The following ARID5B variants were observed in gnomAD, a reference collection of about 807,000 sequenced individuals.
ARID5B encodes the protein AT-rich interactive domain-containing protein 5B.
ARID5B carries 13 observed loss-of-function variants against 97.2 expected under a neutral mutation model. That is an observed-to-expected ratio of 0.13 (90% CI 0.09 to 0.21). The LOEUF (loss-of-function observed/expected upper bound fraction) is 0.21, where lower values mean the gene tolerates loss of function less well. ARID5B is among the 10% of genes least tolerant of loss of function. ARID5B has a pLI of 1.00. For missense variants in ARID5B, 1,210 were observed against 1,465.3 expected (o/e 0.83, Z 2.84); for synonymous variants, 556 against 570.3 (o/e 0.97, Z 0.36).
chr10:62,046,695 T>TA (rs1417746681), intron 4 of ARID5B: 1 of 152,042 alleles, frequency 6.6e-6, no homozygotes, highest in Non-Finnish European at 1.5e-5. Context: ...ATTTTTTTTT[T>TA]AAACCACAGA....
intron 3 of ARID5B, among the ~76,000 whole-genome samples, chr10:61,979,350 T>A (rs948848873): frequency 6.6e-6 from 1 of 152,210 alleles, no homozygotes. Flanking sequence ...TTAGACATCA[T>A]GGAATCCAAT....
At chr10:61,968,188 A>G (rs1411038710) in intron 3 of ARID5B, among the ~76,000 whole-genome samples, 2 of 66,784 alleles carry the variant, frequency 3.0e-5, no homozygotes, top group Non-Finnish European at 7.7e-5. Context: ...ACATATTTAT[A>G]CACACACACA....
chr10:61,990,366 CA>C (rs1043885662), intron 3 of ARID5B, among the ~76,000 whole-genome samples: 24 of 152,342 alleles, frequency 1.6e-4, no homozygotes, highest in African/African-American at 5.8e-4. Context: ...TGCCTAACCA[CA>C]TGACCCTTTG....
At chr10:62,065,287 T>C (rs1018428073) in intron 7 of ARID5B, among the ~76,000 whole-genome samples, 15 of 152,216 alleles carry the variant, frequency 9.9e-5, no homozygotes, top group African/African-American at 2.9e-4. Context: ...TCTTGCGTTA[T>C]GGTTAATTGT....
intron 2 of ARID5B, among the ~76,000 whole-genome samples, chr10:61,904,316 C>A (rs183755926): frequency 8.4e-4 from 128 of 151,834 alleles, no homozygotes; most frequent in African/African-American, 2.9e-3. Context: ...TTTTAAAGAC[C>A]CTGAGTTGAC....
At chr10:62,022,867 C>T (rs1839373823) in intron 4 of ARID5B, among the ~76,000 whole-genome samples, 1 of 152,236 alleles carries the variant, frequency 6.6e-6, no homozygotes, top group Admixed American at 6.5e-5. Context: ...ACAGAGCTCT[C>T]CTTTAACTGG....
rs1418296253 is a variant in ARID5B at position 62,085,882 on chromosome 10, G to A, written c.1380G>A (p.Lys460=). Residue 460 remains lysine, a synonymous_variant, in exon 9 of 10, where the codon AAG becomes AAA. Transcript: ENST00000279873. The stretch of plus-strand genomic sequence containing the variant: ...AGAAAGAAAAAGAAAATGCCCCAAA[G>A]CCCCAGGATGCAGCAGAGGTGAGTT... ...KSKKEKENAP[K]PQDAAEVSSE... is the part of the protein sequence containing the mutation. 1 of 1,612,914 alleles carries A rather than the reference G, an allele frequency of 6.2e-7. No individual in the cohort carries two copies. The highest frequency in any genetic ancestry group is 8.5e-7 in the Non-Finnish European group (1 of 1,179,864).
At chr10:62,003,594 TG>T (rs1311770019) in intron 4 of ARID5B, among the ~76,000 whole-genome samples, 3 of 152,146 alleles carry the variant, frequency 2.0e-5, no homozygotes, top group Admixed American at 2.0e-4. Flanking sequence ...ATCCTTTGGG[TG>T]GGTTTCATAA....
At chr10:62,026,762 C>T (rs1252860997) in intron 4 of ARID5B, among the ~76,000 whole-genome samples, 1 of 152,072 alleles carries the variant, frequency 6.6e-6, no homozygotes, top group Non-Finnish European at 1.5e-5. Context: ...CCACTTTAAC[C>T]CCTAAACATC....
intron 3 of ARID5B, among the ~76,000 whole-genome samples, chr10:61,972,439 G>A (rs1589240913): frequency 2.0e-5 from 3 of 152,090 alleles, no homozygotes; most frequent in East Asian, 1.9e-4. Flanking sequence ...ATGTTGGCCA[G>A]GCTGGTCTCA....
At chr10:61,941,553 A>G (rs1204016347) in intron 3 of ARID5B, among the ~76,000 whole-genome samples, 1 of 151,976 alleles carries the variant, frequency 6.6e-6, no homozygotes, top group Non-Finnish European at 1.5e-5. Context: ...AACTATTACA[A>G]CAAACCTAGG....
At chr10:62,005,336 C>T (rs1839132865) in intron 4 of ARID5B, among the ~76,000 whole-genome samples, 5 of 152,204 alleles carry the variant, frequency 3.3e-5, no homozygotes, top group Admixed American at 3.3e-4. Context: ...CGGGTAATAA[C>T]AGCCAACTTG....
At chr10:61,903,706 G>A (rs1252298553) in intron 2 of ARID5B, among the ~76,000 whole-genome samples, 1 of 152,196 alleles carries the variant, frequency 6.6e-6, no homozygotes, top group Non-Finnish European at 1.5e-5. Context: ...GGAGCTGCCA[G>A]TCCTTCCAGA....
At chr10:61,996,334 A>G (rs955297706) in intron 3 of ARID5B, among the ~76,000 whole-genome samples, 1 of 152,064 alleles carries the variant, frequency 6.6e-6, no homozygotes, top group Non-Finnish European at 1.5e-5. Flanking sequence ...CTAATAGTGT[A>G]AACCAGTTAA....
At chr10:61,967,895 G>A (rs1471522355) in intron 3 of ARID5B, among the ~76,000 whole-genome samples, 3 of 151,976 alleles carry the variant, frequency 2.0e-5, no homozygotes, top group East Asian at 1.9e-4. Context: ...CTTTTGGTTT[G>A]GAAATGCTTG....
chr10:61,934,441 T>A (rs1397954398), intron 2 of ARID5B, among the ~76,000 whole-genome samples: 1 of 152,232 alleles, frequency 6.6e-6, no homozygotes. Flanking sequence ...GGTTTTGACA[T>A]GCCTTCCTCA....
At chr10:61,916,635 T>C (rs755465874) in intron 2 of ARID5B, among the ~76,000 whole-genome samples, 6 of 152,168 alleles carry the variant, frequency 3.9e-5, no homozygotes, top group African/African-American at 1.2e-4. Context: ...ACCTGGTGAA[T>C]GACAGAGACT....
chr10:61,996,838 C>T (rs1338724298), intron 3 of ARID5B, among the ~76,000 whole-genome samples: 1 of 150,684 alleles, frequency 6.6e-6, no homozygotes, highest in East Asian at 1.9e-4. Flanking sequence ...GTTCTATGTA[C>T]TGGGGGGTTA....
intron 3 of ARID5B, among the ~76,000 whole-genome samples, chr10:61,961,188 G>A (rs1838465737): frequency 6.6e-6 from 1 of 151,998 alleles, no homozygotes; most frequent in African/African-American, 2.4e-5. Context: ...TAAATTAATT[G>A]CTTTTTAATT....
Sources: gnomAD v4.1 joint callset for allele counts (sites outside exome capture counted in the v4.1 genomes callset) on GRCh38, gnomAD v4.1.1 for gene constraint, MANE v1.5 for transcripts, NCBI Gene and HGNC (gene_info 2026-07-23, HGNC 2026-07-21) for gene names.